TSHZ3: variants seen among roughly 807,000 people sequenced by gnomAD.
The protein encoded by TSHZ3 is teashirt homolog 3.
TSHZ3 carries 10 observed loss-of-function variants against 64.5 expected under a neutral mutation model. The ratio of observed to expected loss-of-function variants is 0.16; its 90% CI spans 0.10 to 0.26. TSHZ3 has a LOEUF of 0.26. Among genes scored for constraint, TSHZ3 ranks in the 10% least tolerant of loss-of-function variants. The probability of loss-of-function intolerance (pLI) is 1.00; values close to 1 mark genes in which losing one functional copy is unlikely to be tolerated. For synonymous variants in TSHZ3, 608 were observed against 593.1 expected (o/e 1.03, Z -0.36); for missense variants, 1,242 against 1,421.7 (o/e 0.87, Z 2.03).
At chr19:31,285,645 A>C (rs1053435692) in intron 1 of TSHZ3, among the ~76,000 whole-genome samples, 1 of 151,606 alleles carries the variant, frequency 6.6e-6, no homozygotes, top group African/African-American at 2.4e-5. Flanking sequence ...TCAGCCAGGC[A>C]TGGTGGCGGG....
intron 1 of TSHZ3, among the ~76,000 whole-genome samples, chr19:31,286,872 G>A (rs936091634): frequency 6.6e-6 from 1 of 152,202 alleles, no homozygotes; most frequent in Non-Finnish European, 1.5e-5. Flanking sequence ...TGTCCGGGGA[G>A]AGAAGAGAGC....
chr19:31,330,648 C>T (rs563998578), intron 1 of TSHZ3, among the ~76,000 whole-genome samples: 1 of 152,126 alleles, frequency 6.6e-6, no homozygotes, highest in East Asian at 1.9e-4. Flanking sequence ...CCACACCTCC[C>T]TCTGGGCTCA....
chr19:31,172,294 C>T (rs898115794), intron 5 of TSHZ3, among the ~76,000 whole-genome samples: 3 of 152,072 alleles, frequency 2.0e-5, no homozygotes, highest in African/African-American at 7.2e-5. Flanking sequence ...AAAATGGGGG[C>T]GATAACACTG....
chr19:31,199,872 A>T (rs1278658876), intron 5 of TSHZ3, among the ~76,000 whole-genome samples: 2 of 149,662 alleles, frequency 1.3e-5, no homozygotes, highest in Non-Finnish European at 3.0e-5. Context: ...ACTCAATGAA[A>T]GAAAACAATG....
intron 5 of TSHZ3, among the ~76,000 whole-genome samples, chr19:31,195,358 C>A (rs1974971097): frequency 6.6e-6 from 1 of 152,046 alleles, no homozygotes; most frequent in Non-Finnish European, 1.5e-5. Context: ...TAGGGAAAAA[C>A]ACCTTACCTA....
upstream of TSHZ3, chr19:31,349,584 G>T (rs985542068): frequency 4.9e-6 from 1 of 202,756 alleles, no homozygotes; most frequent in African/African-American, 2.4e-5. Flanking sequence ...GGAGGAGGGG[G>T]CGGGGAGGAG....
chr19:31,235,582 C>CTT (rs1484582273), intron 3 of TSHZ3, among the ~76,000 whole-genome samples: 1 of 140,770 alleles, frequency 7.1e-6, no homozygotes, highest in African/African-American at 2.9e-5. Context: ...CTTTCCTTCT[C>CTT]TTTTTTCTTT....
chr19:31,215,532 T>C (rs1975314973), intron 4 of TSHZ3, among the ~76,000 whole-genome samples: 1 of 152,238 alleles, frequency 6.6e-6, no homozygotes, highest in African/African-American at 2.4e-5. Flanking sequence ...TGTGTTGTTT[T>C]AACCATAAAA....
intron 1 of TSHZ3, among the ~76,000 whole-genome samples, chr19:31,331,691 G>A (rs371376910): frequency 3.9e-4 from 59 of 152,344 alleles, no homozygotes; most frequent in African/African-American, 1.4e-3. Flanking sequence ...CTGCGGCCAA[G>A]GTTTCTGGGT....
At chr19:31,329,956 C>T (rs994507349) in intron 1 of TSHZ3, among the ~76,000 whole-genome samples, 2 of 151,968 alleles carry the variant, frequency 1.3e-5, no homozygotes, top group Non-Finnish European at 2.9e-5. Context: ...GAAAAAAGAG[C>T]GCAGACACAC....
At chr19:31,226,973 C>CTTTTTTTTTTTTTTTTTTTTTTTTTTT (rs1255178594) in intron 4 of TSHZ3, among the ~76,000 whole-genome samples, 2 of 68,158 alleles carry the variant, frequency 2.9e-5, no homozygotes, top group African/African-American at 1.8e-4. Flanking sequence ...TTCTTTCTTT[C>CTTTTTTTTTTTTTTTTTTTTTTTTTTT]TTTCTTTTTT....
rs375653205 is a variant in TSHZ3, at chr19:31,155,719, CT to C, written n.871+636del. ...CCCAAGTTCTCGCCTTCGTCTGCCC[CT>C]GATAATTTGACTTCTATCTTGCCTT... On this transcript the variant is annotated intron_variant and non_coding_transcript_variant, in intron 6 of 6. Coordinates refer to the TSHZ3 transcript ENST00000651361. 2.9e-3 allele frequency among the ~76,000 whole-genome samples: 445 copies of C among 152,292 alleles called. 5 individuals carry two copies. Among genetic ancestry groups the C allele is most frequent in the African/African-American group, 0.01 (422 of 41,562 alleles).
intron 5 of TSHZ3, among the ~76,000 whole-genome samples, chr19:31,163,207 A>G (rs1974392359): frequency 6.6e-6 from 1 of 152,160 alleles, no homozygotes; most frequent in Admixed American, 6.5e-5. Flanking sequence ...ATGGGTGCAC[A>G]TGTTTAAATG....
chr19:31,164,233 C>T (rs975719193), intron 5 of TSHZ3, among the ~76,000 whole-genome samples: 3 of 152,110 alleles, frequency 2.0e-5, no homozygotes, highest in African/African-American at 7.2e-5. Context: ...CCCAGAACAT[C>T]GCACTATTGC....
intron 5 of TSHZ3, among the ~76,000 whole-genome samples, chr19:31,165,935 G>T (rs569669895): frequency 6.6e-6 from 1 of 152,182 alleles, no homozygotes; most frequent in Non-Finnish European, 1.5e-5. Flanking sequence ...ATTTAAGATG[G>T]ATGTGCCGAC....
intron 4 of TSHZ3, among the ~76,000 whole-genome samples, chr19:31,207,218 C>A (rs923260428): frequency 6.6e-6 from 1 of 152,140 alleles, no homozygotes; most frequent in Non-Finnish European, 1.5e-5. Context: ...TCTATTCCTG[C>A]ACCATTTAAA....
At chr19:31,316,448 A>T (rs537105619) in intron 1 of TSHZ3, among the ~76,000 whole-genome samples, 1 of 152,312 alleles carries the variant, frequency 6.6e-6, no homozygotes, top group African/African-American at 2.4e-5. Flanking sequence ...AGTGGTGTGT[A>T]CGAGGCCTCT....
intron 5 of TSHZ3, among the ~76,000 whole-genome samples, chr19:31,199,442 C>T (rs983749045): frequency 1.1e-4 from 16 of 148,248 alleles, no homozygotes; most frequent in African/African-American, 3.2e-4. Flanking sequence ...AAACATAGTC[C>T]GATGGTCTTT....
chr19:31,262,108 G>A (rs1178881991), intron 1 of TSHZ3, among the ~76,000 whole-genome samples: 1 of 152,190 alleles, frequency 6.6e-6, no homozygotes, highest in Non-Finnish European at 1.5e-5. Flanking sequence ...CTTGACAAGT[G>A]CTAAAACCCA....
Sources: gnomAD v4.1 joint callset for allele counts (sites outside exome capture counted in the v4.1 genomes callset) on GRCh38, gnomAD v4.1.1 for gene constraint, MANE v1.5 for transcripts, NCBI Gene and HGNC (gene_info 2026-07-23, HGNC 2026-07-21) for gene names.